RDX: variants seen among roughly 807,000 people sequenced by gnomAD.
RDX encodes the protein deafness, autosomal recessive 24.
A neutral mutation model predicts 83.7 loss-of-function variants in RDX; 32 were observed. The ratio of observed to expected loss-of-function variants is 0.38; its 90% confidence interval spans 0.29 to 0.51. The LOEUF is 0.51. RDX is among the 20% of genes least tolerant of loss of function. The pLI is 0.87. For synonymous variants in RDX, 229 were observed against 222.7 expected (o/e 1.03, Z -0.25); for missense variants, 600 against 689.9 (o/e 0.87, Z 1.46).
At chr11:110,209,497 G>T (rs1257830347) in intron 14 of RDX, among the ~76,000 whole-genome samples, 2 of 152,226 alleles carry the variant, frequency 1.3e-5, no homozygotes, top group East Asian at 3.8e-4. Context: ...ACAGCTCAAG[G>T]AGGACTGCCT....
intron 2 of RDX, among the ~76,000 whole-genome samples, chr11:110,275,680 CA>C (rs1429956483): frequency 6.6e-6 from 1 of 151,578 alleles, no homozygotes; most frequent in East Asian, 1.9e-4. Context: ...TGTGGTTCGT[CA>C]TTTTACTTTC....
intron 15 of RDX, among the ~76,000 whole-genome samples, chr11:110,175,600 C>T (rs1862758000): frequency 6.6e-6 from 1 of 152,214 alleles, no homozygotes. Flanking sequence ...ACAGAGGGTC[C>T]CCCTTCAGCC....
chr11:110,206,358 G>C (rs1591510687), intron 14 of RDX, among the ~76,000 whole-genome samples: 1 of 151,310 alleles, frequency 6.6e-6, no homozygotes. Flanking sequence ...CAGTGAAAAT[G>C]AACCACAGCT....
intron 1 of RDX, chr11:110,286,943 T>C (rs1194741309): frequency 6.6e-6 from 1 of 151,952 alleles, no homozygotes; most frequent in African/African-American, 2.4e-5. Flanking sequence ...ATACAGAAAA[T>C]TACAAAAGAA....
At chr11:110,258,867 CTTTTT>C (rs11421586) in intron 5 of RDX, among the ~76,000 whole-genome samples, 1 of 94,618 alleles carries the variant, frequency 1.1e-5, no homozygotes, top group East Asian at 3.1e-4. Flanking sequence ...CAAATACATT[CTTTTT>C]TTTTTTTTTT....
chr11:110,198,047 A>T lies in RDX; in HGVS notation c.*31+1534T>A, dbSNP rs976241373. 7.2e-5 allele frequency among the ~76,000 whole-genome samples: 11 copies of T among 152,252 alleles called. No homozygotes were observed. In the South Asian group the frequency reaches 2.3e-3, roughly 32 times the overall value. On this transcript the variant is annotated intron_variant, in intron 15 of 15. Coordinates refer to the RDX transcript ENST00000528498. ...TTGCTTCTAAAAGTTCCCCACCTTA[A>T]ATGAACACATGTGACCATTTTTTTG...
intron 3 of RDX, among the ~76,000 whole-genome samples, chr11:110,268,985 T>A (rs1034284863): frequency 6.7e-6 from 1 of 149,736 alleles, no homozygotes; most frequent in African/African-American, 2.4e-5. Context: ...ATATATATTT[T>A]TTTAATTAAT....
chr11:110,276,572 G>A (rs1565330044), intron 2 of RDX, among the ~76,000 whole-genome samples: 1 of 152,110 alleles, frequency 6.6e-6, no homozygotes, highest in Non-Finnish European at 1.5e-5. Flanking sequence ...GTATCTTTGG[G>A]TAAGAATTAA....
intron 14 of RDX, among the ~76,000 whole-genome samples, chr11:110,211,253 G>C (rs553891912): frequency 6.6e-6 from 1 of 152,330 alleles, no homozygotes; most frequent in Non-Finnish European, 1.5e-5. Flanking sequence ...TTACATAATA[G>C]TAAAGGGATC....
At chr11:110,227,985 A>G (rs1444330920), downstream of RDX, among the ~76,000 whole-genome samples, 1 of 152,152 alleles carries the variant, frequency 6.6e-6, no homozygotes, top group African/African-American at 2.4e-5. Context: ...ATAAATGGCA[A>G]TTTTAACAGA....
intron 2 of RDX, among the ~76,000 whole-genome samples, chr11:110,279,053 G>A (rs1860641281): frequency 6.6e-6 from 1 of 152,092 alleles, no homozygotes; most frequent in African/African-American, 2.4e-5. Flanking sequence ...CTACAATTAT[G>A]AGAAAACTAA....
chr11:110,261,386 C>A (rs938011463), intron 5 of RDX, among the ~76,000 whole-genome samples: 1 of 152,174 alleles, frequency 6.6e-6, no homozygotes, highest in Non-Finnish European at 1.5e-5. Context: ...ATTATCTATA[C>A]CACAAGAGCT....
chr11:110,251,282 T>C (rs1399373965), intron 9 of RDX, among the ~76,000 whole-genome samples: 2 of 152,222 alleles, frequency 1.3e-5, no homozygotes, highest in Non-Finnish European at 2.9e-5. Context: ...ATCTTACTTT[T>C]TAAAGATCAA....
intron 8 of RDX, among the ~76,000 whole-genome samples, chr11:110,254,549 C>T (rs1307271424): frequency 1.3e-5 from 2 of 151,566 alleles, no homozygotes; most frequent in East Asian, 3.9e-4. Flanking sequence ...CATCTCAGTG[C>T]ACTCCAACCT....
intron 1 of RDX, among the ~76,000 whole-genome samples, chr11:110,290,199 AAGG>A (rs1861178520): frequency 6.6e-6 from 1 of 152,116 alleles, no homozygotes; most frequent in African/African-American, 2.4e-5. Context: ...ATGCTGCTGC[AAGG>A]AGTATTAATT....
intron 14 of RDX, among the ~76,000 whole-genome samples, chr11:110,211,368 C>A (rs983604333): frequency 6.6e-6 from 1 of 151,504 alleles, no homozygotes; most frequent in Non-Finnish European, 1.5e-5. Flanking sequence ...GACTTAGACT[C>A]CCACACATTA....
At chr11:110,221,340 G>C (rs535298320) in intron 14 of RDX, among the ~76,000 whole-genome samples, 1 of 152,258 alleles carries the variant, frequency 6.6e-6, no homozygotes, top group African/African-American at 2.4e-5. Context: ...GCTCATGCCT[G>C]TAATCCCAGC....
At chr11:110,250,921 G>C (rs535233204) in intron 9 of RDX, among the ~76,000 whole-genome samples, 56 of 152,194 alleles carry the variant, frequency 3.7e-4, no homozygotes, top group African/African-American at 1.3e-3. Context: ...AGTTTTTGTA[G>C]GCCTGTCTTG....
intron 15 of RDX, among the ~76,000 whole-genome samples, chr11:110,181,256 G>C (rs1862881258): frequency 6.6e-6 from 1 of 151,554 alleles, no homozygotes; most frequent in Non-Finnish European, 1.5e-5. Flanking sequence ...TCCGCCTCCC[G>C]GGTTGAAACA....
Sources: gnomAD v4.1 joint callset for allele counts (sites outside exome capture counted in the v4.1 genomes callset) on GRCh38, gnomAD v4.1.1 for gene constraint, MANE v1.5 for transcripts, NCBI Gene and HGNC (gene_info 2026-07-23, HGNC 2026-07-21) for gene names.